Variants in UGT1A4 observed in about 807,000 individuals in gnomAD.
UGT1A4 encodes the protein UDP-glucuronosyltransferase 1A4.
UGT1A4 carries 32 observed loss-of-function variants against 41.1 expected under a neutral mutation model. The ratio of observed to expected loss-of-function variants is 0.78; its 90% CI spans 0.59 to 1.05. UGT1A4 has a LOEUF of 1.05. UGT1A4 is among the 50% of genes least tolerant of loss of function. The pLI is 0.00. For missense variants in UGT1A4, 748 were observed against 677.4 expected, an observed-to-expected ratio of 1.10 and a Z score of -1.16; for synonymous variants, 283 against 265.1, an observed-to-expected ratio of 1.07 and a Z score of -0.66.
chr2:233,748,523 T>TA (rs988670455), intron 1 of UGT1A4, among the ~76,000 whole-genome samples: 2 of 151,784 alleles, frequency 1.3e-5, no homozygotes, highest in Admixed American at 6.5e-5. Flanking sequence ...TTGCGAATGA[T>TA]AGAGAGGTGA....
chr2:233,727,679 G>C lies in UGT1A4; in HGVS notation c.867+7992G>C, dbSNP rs376074254. Among the ~76,000 whole-genome samples, 5 of 152,276 alleles carry C rather than the reference G, an allele frequency of 3.3e-5. No homozygotes were observed. The East Asian group carries it at 7.7e-4, about 24-fold the overall frequency. The stretch of plus-strand genomic sequence containing the variant: ...TGCTCTATGTCCTTACAAATTCCCA[G>C]GAATCATCCTCTACTGGACAGTTCC... On this transcript the variant is annotated intron_variant, in intron 1 of 4. Coordinates refer to ENST00000373409, the MANE Select transcript of UGT1A4 (RefSeq NM_007120.3).
At chr2:233,720,781 C>G (rs2076890046) in intron 1 of UGT1A4, among the ~76,000 whole-genome samples, 1 of 151,290 alleles carries the variant, frequency 6.6e-6, no homozygotes, top group South Asian at 2.1e-4. Flanking sequence ...TCTCCGCTCA[C>G]TGCAACCTTC....
intron 1 of UGT1A4, chr2:233,729,354 C>A (rs767130471): frequency 2.5e-6 from 4 of 1,614,190 alleles, no homozygotes; most frequent in Non-Finnish European, 2.5e-6. Context: ...ACTTTTTCAC[C>A]CTGACAACCT....
chr2:233,729,735 C>A, intron 1 of UGT1A4: 1 of 1,614,000 alleles, frequency 6.2e-7, no homozygotes, highest in South Asian at 1.1e-5. Context: ...CCAATTCAGA[C>A]CACATGACAT....
intron 1 of UGT1A4, among the ~76,000 whole-genome samples, chr2:233,737,837 G>A (rs2125811418): frequency 6.6e-6 from 1 of 152,130 alleles, no homozygotes; most frequent in South Asian, 2.1e-4. Flanking sequence ...GGGAACTGTG[G>A]CACAGGTCAC....
At chr2:233,756,820 A>C (rs1170883344) in intron 1 of UGT1A4, among the ~76,000 whole-genome samples, 1 of 152,072 alleles carries the variant, frequency 6.6e-6, no homozygotes, top group Admixed American at 6.5e-5. Context: ...CTCAATTCCA[A>C]GGGGAAAATG....
intron 1 of UGT1A4, among the ~76,000 whole-genome samples, chr2:233,749,653 G>T (rs1694241075): frequency 1.3e-5 from 2 of 151,820 alleles, no homozygotes; most frequent in Admixed American, 6.5e-5. Context: ...ATCTTGAATT[G>T]TAATCCCCAT....
chr2:233,760,861 T>A, intron 1 of UGT1A4: 1 of 1,614,158 alleles, frequency 6.2e-7, no homozygotes, highest in Non-Finnish European at 8.5e-7. Flanking sequence ...CCCATTCTCC[T>A]ACGTGCCCAG....
intron 1 of UGT1A4, among the ~76,000 whole-genome samples, chr2:233,730,881 T>C (rs2078083479): frequency 6.6e-6 from 1 of 152,122 alleles, no homozygotes. Context: ...CAGGTTTCTA[T>C]AGTGGGATCT....
At chr2:233,744,050 T>G in intron 1 of UGT1A4, 1 of 675,568 alleles carries the variant, frequency 1.5e-6, no homozygotes, top group Non-Finnish European at 2.1e-6. Flanking sequence ...CCACATCTCA[T>G]TGGTCGAGGC....
rs139110841 is a variant in UGT1A4, at chr2:233,729,282, T to C, written c.867+9595T>C. 648 of 1,614,246 alleles carry C rather than the reference T, an allele frequency of 4.0e-4. 1 individual carries two copies. In the Middle Eastern group the frequency reaches 4.5e-3, roughly 11 times the overall value. ...TGCGGGAGGTCTTGCGGGAGCTCCA[T>C]GCCAGAGGCCACCAGGCAGTGGTCC... On this transcript the variant is annotated intron_variant, in intron 1 of 4. Transcript: ENST00000373409.
chr2:233,770,205 T>G (rs1217853012), intron 4 of UGT1A4: 1 of 152,310 alleles, frequency 6.6e-6, no homozygotes, highest in Non-Finnish European at 1.5e-5. Flanking sequence ...TATTCATTTT[T>G]GAGCCATCCC....
chr2:233,742,787 T>A (rs955891060), intron 1 of UGT1A4: 16 of 153,018 alleles, frequency 1.0e-4, no homozygotes, highest in African/African-American at 3.9e-4. Flanking sequence ...TGAACCATCA[T>A]TAAATTAAGC....
Position 233,719,305 on chromosome 2 carries a change from C to T in UGT1A4, c.485C>T (p.Ala162Val), listed in dbSNP as rs149960993. 1.9e-6 allele frequency: 3 copies of T among 1,613,868 alleles called. No individual in the cohort carries two copies. The African/African-American group carries it at 4.0e-5, about 22-fold the overall frequency. ...GTTAACCTCTGTGGGGCGGTGCTGG[C>T]TAAGTACCTGTCGATTCCTGCTGTG... Reference protein sequence around the residue: ...DPVNLCGAVLAKYLSIPAVFF... With the variant: ...DPVNLCGAVLVKYLSIPAVFF... The change falls in exon 1 of 5, where the codon GCT becomes GTT. Residue 162 changes from alanine (A) to valine (V), a missense_variant. Physicochemically the swap from Ala to Val is moderately conservative, Grantham distance 64 (BLOSUM62 0). Coordinates refer to ENST00000373409, the MANE Select transcript of UGT1A4 (RefSeq NM_007120.3).
intron 1 of UGT1A4, 106 bp from the exon 2 acceptor site, chr2:233,766,928 C>T (rs1699282359): frequency 1.3e-6 from 2 of 1,578,030 alleles, no homozygotes; most frequent in East Asian, 4.5e-5. Flanking sequence ...ACACGCATGC[C>T]TTTAATCATA....
At position 233,743,406 on chromosome 2, in the gene UGT1A4, C is replaced by T. The variant is rs904424565; in HGVS notation, c.868-23628C>T. 16 of 1,310,784 alleles carry T rather than the reference C, an allele frequency of 1.2e-5. No individual in the cohort carries two copies. In the Admixed American group the frequency reaches 2.0e-4, roughly 16 times the overall value. The allele number at this position is 1,310,784 out of a possible 1,614,324, so 81.2% of individuals were successfully genotyped here. A position where few individuals can be genotyped will look rare whatever the true frequency, so the allele number is the denominator to read the frequency against. On this transcript the variant is annotated intron_variant, in intron 1 of 4. Transcript: ENST00000373409. ...AGGACATGCAGAAGGAAGAAAGGCC[C>T]CCACTTCCCAGGGAGCCAAAGGAAC...
chr2:233,766,145 C>T (rs1400021152), intron 1 of UGT1A4, among the ~76,000 whole-genome samples: 1 of 152,164 alleles, frequency 6.6e-6, no homozygotes, highest in South Asian at 2.1e-4. Flanking sequence ...CGAATCCCAC[C>T]TGGGCTTGGA....
intron 1 of UGT1A4, among the ~76,000 whole-genome samples, chr2:233,728,564 A>G (rs2077727018): frequency 6.6e-6 from 1 of 152,200 alleles, no homozygotes; most frequent in Non-Finnish European, 1.5e-5. Context: ...TACAAGAAAT[A>G]TCCTGGTGCG....
chr2:233,723,002 G>A (rs1315511515), intron 1 of UGT1A4, among the ~76,000 whole-genome samples: 4 of 146,840 alleles, frequency 2.7e-5, no homozygotes, highest in Non-Finnish European at 4.5e-5. Context: ...GGCAGAGGCA[G>A]AAGAGGATGA....
Sources: gnomAD v4.1 joint callset for allele counts (sites outside exome capture counted in the v4.1 genomes callset) on GRCh38, gnomAD v4.1.1 for gene constraint, MANE v1.5 for transcripts, NCBI Gene and HGNC (gene_info 2026-07-23, HGNC 2026-07-21) for gene names.